NFASC: variants seen among roughly 807,000 people sequenced by gnomAD.
NFASC encodes neurofascin.
In NFASC, 43 loss-of-function variants were observed where a neutral mutation model predicts 147.5. The ratio of observed to expected loss-of-function variants is 0.29; its 90% CI spans 0.23 to 0.38. NFASC has a LOEUF of 0.38. NFASC is among the 10% of genes least tolerant of loss of function. The pLI is 1.00. For missense variants in NFASC, 1,320 were observed against 1,689.0 expected, an observed-to-expected ratio of 0.78 and a Z score of 3.83; for synonymous variants, 622 against 665.5, an observed-to-expected ratio of 0.93 and a Z score of 1.01.
At chr1:204,881,608 C>T (rs80322100) in intron 1 of NFASC, among the ~76,000 whole-genome samples, 5,595 of 152,080 alleles carry the variant, frequency 0.037, 321 homozygotes, top group African/African-American at 0.13. Flanking sequence ...CAAGCCCTGC[C>T]GTCAATGAGC....
chr1:204,944,104 C>T (rs2093554521), intron 2 of NFASC, 122 bp from the exon 3 acceptor site: 2 of 827,864 alleles, frequency 2.4e-6, no homozygotes, highest in Non-Finnish European at 3.8e-6. Context: ...AGAAACTCTG[C>T]TCTATCTAGA....
At chr1:204,832,014 A>T (rs1187604422) in intron 1 of NFASC, among the ~76,000 whole-genome samples, 1 of 152,184 alleles carries the variant, frequency 6.6e-6, no homozygotes, top group African/African-American at 2.4e-5. Flanking sequence ...GGCTTGGCTG[A>T]TGCTATCCGG....
chr1:204,898,028 G>A (rs1035599036), intron 1 of NFASC, among the ~76,000 whole-genome samples: 1 of 152,142 alleles, frequency 6.6e-6, no homozygotes, highest in South Asian at 2.1e-4. Context: ...GTAAGCCACC[G>A]CACCAAGCCG....
Position 204,974,203 on chromosome 1 carries a change from C to T in NFASC, c.1304C>T (p.Pro435Leu). The change falls in exon 13 of 30, where the codon CCC (proline) becomes CTC (leucine). Residue 435 changes from proline to leucine, a missense_variant. By Grantham distance (98) the Pro-to-Leu change is moderately conservative. Coordinates refer to ENST00000339876, the MANE Select transcript of NFASC (RefSeq NM_001005388.3). ...GATGTGCCGCCTCGGATGCTGTCGCCCCGGAACCAGCTCATTCGAGTGATT... is the reference window on the plus strand; with the variant it reads ...GATGTGCCGCCTCGGATGCTGTCGCTCCGGAACCAGCTCATTCGAGTGATT... ...VLDVPPRMLS[P>L]RNQLIRVILY... is the part of the protein sequence containing the mutation. The T allele has an allele frequency of 2.5e-6, 4 of 1,614,010 alleles. No homozygotes were observed. Among genetic ancestry groups the T allele is most frequent in the Non-Finnish European group, 3.4e-6 (4 of 1,179,962 alleles).
At chr1:204,861,583 G>A (rs1033264992) in intron 1 of NFASC, among the ~76,000 whole-genome samples, 3 of 152,172 alleles carry the variant, frequency 2.0e-5, no homozygotes, top group Admixed American at 6.5e-5. Flanking sequence ...TCCGCCTTCA[G>A]GGTTCACGCC....
intron 1 of NFASC, among the ~76,000 whole-genome samples, chr1:204,906,780 T>A (rs1312051079): frequency 2.2e-5 from 3 of 137,830 alleles, no homozygotes; most frequent in African/African-American, 8.3e-5. Flanking sequence ...CCTCCCGGGC[T>A]CATGCCATTC....
rs1320083594 is a variant in NFASC at position 204,975,971 on chromosome 1, G to A, written c.1706+553G>A. 6.6e-6 allele frequency among the ~76,000 whole-genome samples: 1 copy of A among 152,132 alleles called. No homozygotes were observed. Among genetic ancestry groups the A allele is most frequent in the Non-Finnish European group, 1.5e-5 (1 of 68,020 alleles). On this transcript the variant is annotated intron_variant, in intron 15 of 29. Transcript: ENST00000339876. The surrounding 1 kb of genome is among the most constrained non-coding windows in gnomAD (Gnocchi z 4.0). The stretch of plus-strand genomic sequence containing the variant: ...GCAGGGTTTAAAAGTCCCCCTGGGG[G>A]TTCCAGTGTGCATCAGGGTTGAGAA...
chr1:204,890,565 C>CT (rs35035513), intron 1 of NFASC, among the ~76,000 whole-genome samples: 100 of 145,822 alleles, frequency 6.9e-4, no homozygotes, highest in Middle Eastern at 3.6e-3. Context: ...CAGGGAGGCA[C>CT]TTTTTTTTTT....
At chr1:204,927,059 A>T (rs1454559357) in intron 2 of NFASC, among the ~76,000 whole-genome samples, 1 of 152,156 alleles carries the variant, frequency 6.6e-6, no homozygotes, top group African/African-American at 2.4e-5. Flanking sequence ...TGGATGACAG[A>T]GGGAGACTCC....
chr1:204,979,054 A>G lies in NFASC; in HGVS notation c.1963A>G (p.Asn655Asp), dbSNP rs747371432. ...GACCTGGATCCCCGGGGATGCTAAC[A>G]ACAGCCCCATCACAGGTAGCTCAGG... ...RLTWIPGDAN[N>D]SPITDYVVQF... Residue 655 changes from asparagine to aspartate, a missense_variant, in exon 18 of 30, where the codon AAC (asparagine) becomes GAC (aspartate). Transcript: ENST00000339876. This position sits in a 1 kb window ranked among gnomAD's most constrained non-coding sequence, Gnocchi z 6.0. The G allele has an allele frequency of 9.8e-5, 153 of 1,560,574 alleles. No individual in the cohort carries two copies. Among genetic ancestry groups the G allele is most frequent in the Non-Finnish European group, 1.2e-4 (141 of 1,151,598 alleles).
chr1:205,006,428 G>A (rs1241086650), intron 27 of NFASC, among the ~76,000 whole-genome samples: 1 of 152,274 alleles, frequency 6.6e-6, no homozygotes, highest in East Asian at 1.9e-4. Flanking sequence ...GATGGTGTGA[G>A]TTGGAGCAAG....
At position 205,018,608 on chromosome 1, in the gene NFASC, G is replaced by A. The variant is rs527305062; in HGVS notation, c.*2069G>A. The A allele has an allele frequency of 1.2e-3, 176 of 152,818 alleles. No individual in the cohort carries two copies. Among genetic ancestry groups the A allele is most frequent in the African/African-American group, 4.1e-3 (172 of 41,582 alleles). 9.5% of individuals were successfully genotyped at this position (152,818 alleles called of 1,614,324 possible). The stretch of plus-strand genomic sequence containing the variant: ...GTAAACAGCAGGGGGTGGGGTGTGA[G>A]CTTGGAGGGCCCCTCCCCTGGATTT... On this transcript the variant is annotated 3_prime_UTR_variant, in exon 30 of 30. Coordinates refer to ENST00000339876, the MANE Select transcript of NFASC (RefSeq NM_001005388.3).
chr1:204,938,286 CT>C (rs2093049146), intron 2 of NFASC, among the ~76,000 whole-genome samples: 1 of 152,352 alleles, frequency 6.6e-6, no homozygotes, highest in Non-Finnish European at 1.5e-5. Flanking sequence ...CCACTTACTA[CT>C]CATATTGGTC....
At position 204,955,000 on chromosome 1, in the gene NFASC, TG is replaced by T; in HGVS notation, c.535+53del. The T allele has an allele frequency of 7.6e-7, 1 of 1,317,980 alleles. No homozygotes were observed. Among genetic ancestry groups the T allele is most frequent in the Non-Finnish European group, 1.0e-6 (1 of 953,936 alleles). 81.6% of individuals were successfully genotyped at this position (1,317,980 alleles called of 1,614,324 possible). A position where few individuals can be genotyped will look rare whatever the true frequency, so the allele number is the denominator to read the frequency against. The stretch of plus-strand genomic sequence containing the variant: ...GTGTTTATATCTTAACCTTAGGGGG[TG>T]GGGTGGGTGTGTTAAGTGGGGAGGG... On this transcript the variant is annotated intron_variant, in intron 7 of 29. Coordinates refer to ENST00000339876, the MANE Select transcript of NFASC (RefSeq NM_001005388.3). The surrounding 1 kb of genome is among the most constrained non-coding windows in gnomAD (Gnocchi z 5.7).
Position 205,009,703 on chromosome 1 carries a change from AG to A in NFASC, c.3421+17del. 1 of 1,612,568 alleles carries A rather than the reference AG, an allele frequency of 6.2e-7. No homozygotes were observed. On this transcript the variant is annotated intron_variant, in intron 28 of 29. Coordinates refer to ENST00000339876, the MANE Select transcript of NFASC (RefSeq NM_001005388.3). ...CAAGTACCCAGGTGAGATGTGCAAG[AG>A]GCGTGGGCTTGCAGGGTGGGGCACG...
chr1:204,879,801 T>G (rs576699628), intron 1 of NFASC, among the ~76,000 whole-genome samples: 4 of 152,304 alleles, frequency 2.6e-5, no homozygotes, highest in African/African-American at 9.6e-5. Flanking sequence ...TGCTTTTATT[T>G]AAAAGAAGAT....
At chr1:204,966,360 G>T (rs1276916981) in intron 8 of NFASC, among the ~76,000 whole-genome samples, 2 of 152,176 alleles carry the variant, frequency 1.3e-5, no homozygotes, top group Non-Finnish European at 2.9e-5. Flanking sequence ...TTTCCTCCCA[G>T]TGTGGAAGGA....
chr1:204,903,393 T>A (rs1045697724), intron 1 of NFASC, among the ~76,000 whole-genome samples: 1 of 152,224 alleles, frequency 6.6e-6, no homozygotes, highest in Non-Finnish European at 1.5e-5. Flanking sequence ...TTGTTTTCAC[T>A]TGTTAGCTTG....
chr1:204,927,922 A>G (rs2091904463), intron 2 of NFASC, among the ~76,000 whole-genome samples: 1 of 152,200 alleles, frequency 6.6e-6, no homozygotes, highest in South Asian at 2.1e-4. Context: ...AGCCAAGGCA[A>G]GTGAGAAGCT....
Sources: gnomAD v4.1 joint callset for allele counts (sites outside exome capture counted in the v4.1 genomes callset) on GRCh38, gnomAD v4.1.1 for gene constraint, Gnocchi (gnomAD v3.1) non-coding constraint, MANE v1.5 for transcripts, NCBI Gene and HGNC (gene_info 2026-07-23, HGNC 2026-07-21) for gene names.